The following NTRK1 variants were observed in gnomAD, a reference collection of about 807,000 sequenced individuals.
NTRK1 encodes the protein neurotrophic receptor tyrosine kinase 1.
Under a neutral mutation model 86.8 loss-of-function variants are expected in NTRK1, and 62 were observed. The ratio of observed to expected loss-of-function variants is 0.71; its 90% CI spans 0.58 to 0.88. The LOEUF is 0.88. Among genes scored for constraint, NTRK1 ranks in the 40% least tolerant of loss-of-function variants. The pLI is 0.00. For synonymous variants in NTRK1, 469 were observed against 456.6 expected (o/e 1.03, Z -0.35); for missense variants, 967 against 1,078.4 (o/e 0.90, Z 1.45).
At chr1:156,820,197 G>T (rs1571637475) in intron 1 of NTRK1, among the ~76,000 whole-genome samples, 1 of 152,128 alleles carries the variant, frequency 6.6e-6, no homozygotes, top group Non-Finnish European at 1.5e-5. Context: ...CATGTGGCTT[G>T]CCAGTTTACT....
intron 1 of NTRK1, chr1:156,816,676 T>TTGGGGACA (rs1653970993): frequency 6.2e-7 from 1 of 1,601,884 alleles, no homozygotes; most frequent in Non-Finnish European, 8.5e-7. Context: ...CACACTTACC[T>TTGGGGACA]TGGGGACATA....
At chr1:156,836,259 C>T (rs927049393) in intron 1 of NTRK1, among the ~76,000 whole-genome samples, 12 of 152,196 alleles carry the variant, frequency 7.9e-5, no homozygotes, top group Non-Finnish European at 1.6e-4. Context: ...GGGGGCCACA[C>T]CCACAGACAT....
At chr1:156,875,972 C>A in intron 12 of NTRK1, 108 bp from the exon 13 acceptor site, 1 of 1,555,976 alleles carries the variant, frequency 6.4e-7, no homozygotes, top group South Asian at 1.1e-5. Context: ...CATGCAGTCC[C>A]TCGTCTGGGC....
chr1:156,851,471 G>A, intron 2 of NTRK1: 4 of 1,613,430 alleles, frequency 2.5e-6, no homozygotes, highest in Non-Finnish European at 3.4e-6. Context: ...TAGGAGCAAG[G>A]AAGGTGATGG....
intron 2 of NTRK1, among the ~76,000 whole-genome samples, chr1:156,853,165 A>G (rs967807592): frequency 2.6e-5 from 4 of 151,790 alleles, no homozygotes; most frequent in African/African-American, 7.3e-5. Context: ...TTCATTGATC[A>G]TCTCCTTTCT....
rs924152274 is a variant in NTRK1 at position 156,828,116 on chromosome 1, A to G, written c.-64+12278A>G. Reference sequence around the variant, plus strand: ...GCATGAGCCACCACATCCAGCCTATAATATATCCAATGTTTGAAAATTATA... The same window carrying G: ...GCATGAGCCACCACATCCAGCCTATGATATATCCAATGTTTGAAAATTATA... On this transcript the variant is annotated intron_variant, in intron 1 of 16. Transcript: ENST00000392302. Among the ~76,000 whole-genome samples the G allele has an allele frequency of 3.9e-5, 6 of 152,162 alleles. No homozygotes were observed. In the East Asian group the frequency reaches 9.6e-4, roughly 24 times the overall value.
chr1:156,828,621 C>T lies in NTRK1; in HGVS notation c.-64+12783C>T, dbSNP rs76574210. On this transcript the variant is annotated intron_variant, in intron 1 of 16. Coordinates refer to the NTRK1 transcript ENST00000392302. ...CGCCTGTGTTTGCCACAGGCACCCGCGTGGACGAGGATGATGAGGAAGAAG... is the reference window on the plus strand; with the variant it reads ...CGCCTGTGTTTGCCACAGGCACCCGTGTGGACGAGGATGATGAGGAAGAAG... Among the ~76,000 whole-genome samples the T allele has an allele frequency of 7.0e-3, 1,068 of 152,304 alleles. 9 individuals carry two copies. The highest frequency in any genetic ancestry group is 0.024 in the African/African-American group (996 of 41,568).
chr1:156,835,867 C>T (rs1654585557), intron 1 of NTRK1, among the ~76,000 whole-genome samples: 1 of 152,262 alleles, frequency 6.6e-6, no homozygotes, highest in Non-Finnish European at 1.5e-5. Context: ...GTACCCCTGC[C>T]TCCTTCACAC....
rs558505057 is a variant in NTRK1, at chr1:156,865,947, G to A, written c.360-963G>A. 1.3e-4 allele frequency among the ~76,000 whole-genome samples: 20 copies of A among 152,360 alleles called. No individual in the cohort carries two copies. The South Asian group carries it at 2.3e-3, about 17-fold the overall frequency. The stretch of plus-strand genomic sequence containing the variant: ...ATGCACCGGGGCTTCAGTTAAAAAC[G>A]TGCTCAATGACACTTCACGATACTT... On this transcript the variant is annotated intron_variant, in intron 3 of 16. Transcript: ENST00000524377.
intron 2 of NTRK1, chr1:156,845,483 G>A: frequency 6.6e-7 from 1 of 1,508,152 alleles, no homozygotes; most frequent in Non-Finnish European, 8.8e-7. Context: ...AGCGCGTACC[G>A]CCTCCAAAAG....
chr1:156,851,236 A>G (rs758338040), intron 2 of NTRK1: 1 of 1,603,992 alleles, frequency 6.2e-7, no homozygotes, highest in South Asian at 1.1e-5. Context: ...CTGTTCTGGG[A>G]GTGTTGGAGG....
Position 156,868,639 on chromosome 1 carries a change from ACG to A in NTRK1, c.710_711del (p.Thr237SerfsTer20), listed in dbSNP as rs1429548426. The A allele has an allele frequency of 6.4e-7, 1 of 1,550,758 alleles. No individual in the cohort carries two copies. The highest frequency in any genetic ancestry group is 1.4e-5 in the African/African-American group (1 of 73,048). On this transcript the variant is annotated frameshift_variant, in exon 6 of 17. Coordinates refer to ENST00000524377, the MANE Select transcript of NTRK1 (RefSeq NM_002529.4). LOFTEE classifies it high-confidence loss of function. ...WILTELEQSA[T>X]VMKSGGLPSL... ...CCTCACAGAGCTGGAGCAGTCAGCC[ACG>A]GTGATGGTGAGAAGACCTTCGCTGG...
intron 6 of NTRK1, among the ~76,000 whole-genome samples, chr1:156,868,890 C>A (rs900696833): frequency 3.9e-4 from 60 of 152,148 alleles, no homozygotes; most frequent in African/African-American, 1.4e-3. Context: ...ATACTTGAAG[C>A]CCCAGGACTT....
intron 2 of NTRK1, chr1:156,844,076 G>A (rs1654895842): frequency 6.0e-6 from 5 of 833,558 alleles, no homozygotes; most frequent in Non-Finnish European, 9.9e-6. Flanking sequence ...CTGTATGGAA[G>A]ACCTGTCTTT....
chr1:156,864,479 G>C (rs748858057), intron 2 of NTRK1, 51 bp downstream of exon 2: 29 of 1,580,618 alleles, frequency 1.8e-5, no homozygotes, highest in Admixed American at 1.7e-4. Context: ...GCCTGGGGGA[G>C]ACCAGAAGGT....
chr1:156,820,676 G>C (rs1352760223), intron 1 of NTRK1, among the ~76,000 whole-genome samples: 2 of 152,190 alleles, frequency 1.3e-5, no homozygotes, highest in African/African-American at 4.8e-5. Context: ...ATGCAGTTTT[G>C]ATAACTATAG....
In NTRK1 at chr1:156,879,980, C is replaced by T. The variant is rs1252694427; in HGVS notation, c.2047-19C>T. On this transcript the variant is annotated intron_variant, in intron 15 of 16. Transcript: ENST00000524377. ...GTCCCAGGCGCCCCTGGAATTGATG[C>T]AGTGTCCGCCCGTGGCAGGTGGGAG... 1 of 1,611,884 alleles carries T rather than the reference C, an allele frequency of 6.2e-7. No individual in the cohort carries two copies. The highest frequency in any genetic ancestry group is 8.5e-7 in the Non-Finnish European group (1 of 1,179,954).
chr1:156,828,721 T>C (rs1654388469), intron 1 of NTRK1, among the ~76,000 whole-genome samples: 1 of 152,202 alleles, frequency 6.6e-6, no homozygotes, highest in South Asian at 2.1e-4. Context: ...CAGGGTCTTT[T>C]TGAGTCTCTG....
At chr1:156,852,805 A>G (rs1191498420) in intron 2 of NTRK1, among the ~76,000 whole-genome samples, 1 of 152,148 alleles carries the variant, frequency 6.6e-6, no homozygotes, top group Non-Finnish European at 1.5e-5. Flanking sequence ...ACTGTACATG[A>G]GAGGATGCGC....
Sources: allele counts gnomAD v4.1 joint callset (sites outside exome capture counted in the v4.1 genomes callset), GRCh38; gene constraint gnomAD v4.1.1; transcripts MANE v1.5; gene names NCBI Gene and HGNC (gene_info 2026-07-23, HGNC 2026-07-21).